DDX55: variants seen among roughly 807,000 people sequenced by gnomAD.
The protein encoded by DDX55 is DEAD-box helicase 55.
DDX55 carries 56 observed loss-of-function variants against 69.2 expected under a neutral mutation model. That is an observed-to-expected ratio of 0.81 (90% CI 0.65 to 1.01). DDX55 has a LOEUF of 1.01. DDX55 is among the 50% of genes least tolerant of loss of function. DDX55 has a pLI of 0.00. For missense variants in DDX55, 720 were observed against 745.1 expected (o/e 0.97, Z 0.39); for synonymous variants, 268 against 273.1 (o/e 0.98, Z 0.18).
At chr12:123,608,405 C>T (rs1283973052) in intron 5 of DDX55, 1 of 323,318 alleles carries the variant, frequency 3.1e-6, no homozygotes, top group Non-Finnish European at 5.8e-6. Context: ...GGTTTTCTGC[C>T]AATAAAATAC....
Position 123,605,994 on chromosome 12 carries a change from G to A in DDX55, c.159+13G>A, listed in dbSNP as rs769885138. On this transcript the variant is annotated intron_variant, in intron 2 of 13. Coordinates refer to ENST00000238146, the MANE Select transcript of DDX55 (RefSeq NM_020936.3). ...CGCTGCAGAAGCGGTGAGTGCCTCG[G>A]GTATGTGCAGCCTGTCCTCGTGTTC... 2 of 1,614,064 alleles carry A rather than the reference G, an allele frequency of 1.2e-6. No individual in the cohort carries two copies. Among genetic ancestry groups the A allele is most frequent in the Non-Finnish European group, 8.5e-7 (1 of 1,180,010 alleles).
intron 5 of DDX55, chr12:123,608,247 G>A (rs1028651528): frequency 1.9e-5 from 3 of 157,426 alleles, no homozygotes; most frequent in Admixed American, 5.8e-5. Context: ...AGTAACTTGC[G>A]TAAGTCAGAG....
intron 6 of DDX55, 73 bp downstream of exon 6, chr12:123,608,902 T>G (rs562779185): frequency 6.7e-6 from 9 of 1,345,472 alleles, no homozygotes; most frequent in Non-Finnish European, 8.9e-6. Context: ...AAATGGAGTT[T>G]ACTGTTTCAT....
chr12:123,615,426 G>A, intron 9 of DDX55, 110 bp downstream of exon 9: 3 of 1,449,610 alleles, frequency 2.1e-6, no homozygotes, highest in Non-Finnish European at 2.8e-6. Context: ...TGTCTTTCCT[G>A]CCTGGAACCC....
chr12:123,616,357 T>C (rs781616758), intron 9 of DDX55, among the ~76,000 whole-genome samples, 154 bp from the exon 10 acceptor site: 12 of 152,184 alleles, frequency 7.9e-5, no homozygotes, highest in Non-Finnish European at 1.5e-4. Flanking sequence ...CAGAGATTTG[T>C]AGAAAGAAGA....
Position 123,610,026 on chromosome 12 carries a change from G to C in DDX55, c.639G>C (p.Val213=), listed in dbSNP as rs1458868480. The change falls in exon 7 of 14, where the codon GTG becomes GTC. Residue 213 remains valine, a synonymous_variant. Coordinates refer to ENST00000238146, the MANE Select transcript of DDX55 (RefSeq NM_020936.3). ...AGACGCAGGAAGTGGAGAACCTGGT[G>C]AGAGCGGGCCTCCGGAACCCTGTCC... ...ATQTQEVENL[V]RAGLRNPVRV... The C allele has an allele frequency of 6.2e-7, 1 of 1,614,216 alleles. No homozygotes were observed.
At chr12:123,607,732 C>T (rs892329010) in intron 5 of DDX55, 70 bp downstream of exon 5, 12 of 1,605,950 alleles carry the variant, frequency 7.5e-6, no homozygotes, top group African/African-American at 5.4e-5. Flanking sequence ...GATGTGTGAT[C>T]TCAGCCTAAC....
At chr12:123,603,656 C>A (rs1953709588) in intron 1 of DDX55, among the ~76,000 whole-genome samples, 1 of 152,072 alleles carries the variant, frequency 6.6e-6, no homozygotes, top group African/African-American at 2.4e-5. Context: ...TCCCAAAGTG[C>A]TGGGATTACA....
Position 123,615,229 on chromosome 12 carries a change from TG to T in DDX55, c.871del (p.Val291Ter). 6.2e-7 allele frequency: 1 copy of T among 1,614,194 alleles called. No homozygotes were observed. Among genetic ancestry groups the T allele is most frequent in the Non-Finnish European group, 8.5e-7 (1 of 1,180,032 alleles). ...VEYYGKALEV[L>X]VKGVKIMCIH... ...TACTATGGGAAGGCTCTGGAAGTGC[TG>T]GTGAAGGGCGTGAAGATTATGTGCA... On this transcript the variant is annotated frameshift_variant, in exon 9 of 14. Transcript: ENST00000238146. LOFTEE classifies it high-confidence loss of function.
At position 123,613,178 on chromosome 12, in the gene DDX55, G is replaced by T; in HGVS notation, c.750G>T (p.Lys250Asn). Reference sequence around the variant, plus strand: ...CCCTTTTTATTTTGCAGGTATGCAAGGCAGATGAGAAATTTAATCAGCTGG... The same window carrying T: ...CCCTTTTTATTTTGCAGGTATGCAATGCAGATGAGAAATTTAATCAGCTGG... ...SRLENYYMVC[K>N]ADEKFNQLVH... The change falls in exon 8 of 14, where the codon AAG becomes AAT. Residue 250 changes from lysine to asparagine, a missense_variant. Lys to Asn is a moderately conservative substitution (Grantham distance 94). Transcript: ENST00000238146. The T allele has an allele frequency of 6.2e-7, 1 of 1,614,076 alleles. No homozygotes were observed. The highest frequency in any genetic ancestry group is 8.5e-7 in the Non-Finnish European group (1 of 1,180,010).
intron 11 of DDX55, 70 bp from the exon 12 acceptor site, chr12:123,618,599 T>G (rs1375489124): frequency 5.1e-6 from 8 of 1,573,972 alleles, no homozygotes; most frequent in Non-Finnish European, 6.9e-6. Context: ...TTTTCTTGGT[T>G]GTGATGGGGA....
intron 1 of DDX55, 138 bp from the exon 2 acceptor site, chr12:123,605,792 TG>T: frequency 8.9e-7 from 1 of 1,123,736 alleles, no homozygotes; most frequent in Non-Finnish European, 1.4e-6. Context: ...AACTTCTCTA[TG>T]GTGACTTGGT....
intron 5 of DDX55, 117 bp from the exon 6 acceptor site, chr12:123,608,563 T>C (rs1954024258): frequency 8.0e-6 from 10 of 1,250,414 alleles, no homozygotes; most frequent in Non-Finnish European, 1.1e-5. Flanking sequence ...ATGCTCTTCG[T>C]TCTCTTCACT....
chr12:123,609,633 G>A lies in DDX55; in HGVS notation c.552-306G>A, dbSNP rs570191974. On this transcript the variant is annotated intron_variant, in intron 6 of 13. Coordinates refer to ENST00000238146, the MANE Select transcript of DDX55 (RefSeq NM_020936.3). ...AGAGATCTTCCCATCCCAGTCTCCCGAAGTGCTGGGATTACAAGCATGAGC... is the reference window on the plus strand; with the variant it reads ...AGAGATCTTCCCATCCCAGTCTCCCAAAGTGCTGGGATTACAAGCATGAGC... 5.3e-5 allele frequency among the ~76,000 whole-genome samples: 8 copies of A among 151,882 alleles called. No homozygotes were observed. In the South Asian group the frequency reaches 1.2e-3, roughly 24 times the overall value.
chr12:123,616,764 T>TGCAA (rs1954702458), intron 10 of DDX55, 161 bp downstream of exon 10: 1 of 732,008 alleles, frequency 1.4e-6, no homozygotes, highest in Non-Finnish European at 2.4e-6. Flanking sequence ...CTACAGGGCT[T>TGCAA]GCCAGAACAG....
chr12:123,605,471 A>G (rs1953831025), intron 1 of DDX55: 1 of 270,136 alleles, frequency 3.7e-6, no homozygotes. Flanking sequence ...CCTGGGGACC[A>G]GGGCTGAATC....
chr12:123,617,758 T>C lies in DDX55; in HGVS notation c.1050T>C (p.Ser350=). The change falls in exon 11 of 14, where the codon AGT becomes AGC. Residue 350 remains serine, a splice_region_variant and synonymous_variant. Transcript: ENST00000238146. ...CCATTTCCACCCTGTGTTCTCACAG[T>C]GCCTTCGTGCATCGCTGCGGTCGCA... ...VLQYDPPSNA[S]AFVHRCGRTA... 6.2e-7 allele frequency: 1 copy of C among 1,610,152 alleles called. No individual in the cohort carries two copies. The highest frequency in any genetic ancestry group is 8.5e-7 in the Non-Finnish European group (1 of 1,178,310).
At chr12:123,610,605 C>CTTTTTTTTT (rs35576014) in intron 7 of DDX55, among the ~76,000 whole-genome samples, 8 of 90,060 alleles carry the variant, frequency 8.9e-5, no homozygotes, top group Non-Finnish European at 1.3e-4. Context: ...TGCTGAGTTT[C>CTTTTTTTTT]TTTTTTTTTT....
At position 123,607,411 on chromosome 12, in the gene DDX55, CCCTT is replaced by C. The variant is rs773197691; in HGVS notation, c.247-14_247-11del. On this transcript the variant is annotated splice_polypyrimidine_tract_variant and intron_variant, in intron 3 of 13. Coordinates refer to ENST00000238146, the MANE Select transcript of DDX55 (RefSeq NM_020936.3). Reference sequence around the variant, plus strand: ...GAGTCCCTTGTGCTGCTGACTGTGTCCCTTCCTTCCATGTGGGTAGGTTGGAGCC... The same window carrying C: ...GAGTCCCTTGTGCTGCTGACTGTGTCCCTTCCATGTGGGTAGGTTGGAGCC... 3 of 1,613,058 alleles carry C rather than the reference CCCTT, an allele frequency of 1.9e-6. No individual in the cohort carries two copies. The highest frequency in any genetic ancestry group is 2.2e-5 in the East Asian group (1 of 44,870).
Sources: allele counts gnomAD v4.1 joint callset (sites outside exome capture counted in the v4.1 genomes callset), GRCh38; gene constraint gnomAD v4.1.1; transcripts MANE v1.5; gene names NCBI Gene and HGNC (gene_info 2026-07-23, HGNC 2026-07-21).